Variants in NFAT5 observed in about 807,000 individuals in gnomAD.
NFAT5 encodes nuclear factor of activated T-cells 5.
A neutral mutation model predicts 166.5 loss-of-function variants in NFAT5; 31 were observed. That is an observed-to-expected ratio of 0.19 (90% CI 0.14 to 0.25). NFAT5 has a LOEUF of 0.25. Ranked by LOEUF, NFAT5 falls within the 10% of genes least tolerant of loss-of-function variation. NFAT5 has a pLI of 1.00. For missense variants in NFAT5, 1,449 were observed against 1,821.8 expected (o/e 0.80, Z 3.72); for synonymous variants, 612 against 639.7 (o/e 0.96, Z 0.65).
rs555002455 is a variant in NFAT5, at chr16:69,655,056, C to G, written c.1006-553C>G. Among the ~76,000 whole-genome samples the G allele has an allele frequency of 8.5e-5, 13 of 152,270 alleles. No individual in the cohort carries two copies. In the East Asian group the frequency reaches 2.5e-3, roughly 29 times the overall value. ...AATGATCCATAGATCCCCGTTTGAA[C>G]TAGCAGTCTCTCAGACCATAATGTT... is the stretch of plus-strand genomic sequence containing the variant. On this transcript the variant is annotated intron_variant, in intron 5 of 14. Transcript: ENST00000349945.
At chr16:69,644,960 T>G (rs1015338579) in intron 3 of NFAT5, 6 of 320,392 alleles carry the variant, frequency 1.9e-5, no homozygotes, top group Non-Finnish European at 3.7e-5. Context: ...TGCTGCATAC[T>G]TGTATTTCTC....
intron 2 of NFAT5, 149 bp from the exon 3 acceptor site, chr16:69,626,254 T>G: frequency 1.6e-6 from 1 of 615,474 alleles, no homozygotes; most frequent in Admixed American, 4.2e-5. Flanking sequence ...GCTCAGCTGC[T>G]AATAGCTCTT....
intron 2 of NFAT5, among the ~76,000 whole-genome samples, chr16:69,594,518 G>A (rs1272447368): frequency 2.0e-5 from 3 of 151,992 alleles, no homozygotes; most frequent in Non-Finnish European, 4.4e-5. Flanking sequence ...TTCCCTACTT[G>A]ATCTACAATG....
At chr16:69,691,603 TCCTGTA>T in intron 12 of NFAT5, 140 bp from the exon 13 acceptor site, 3 of 629,658 alleles carry the variant, frequency 4.8e-6, no homozygotes, top group Non-Finnish European at 8.2e-6. Flanking sequence ...AGAATTGTAG[TCCTGTA>T]CCTGTTTTCT....
intron 3 of NFAT5, among the ~76,000 whole-genome samples, chr16:69,630,074 T>C (rs2034644294): frequency 6.6e-6 from 1 of 151,976 alleles, no homozygotes; most frequent in Non-Finnish European, 1.5e-5. Context: ...GTAGCTGGGA[T>C]TGCAGGTGCA....
At chr16:69,658,092 A>T (rs9788803) in intron 6 of NFAT5, among the ~76,000 whole-genome samples, 55,464 of 150,904 alleles carry the variant, frequency 0.37, 11,168 homozygotes, top group African/African-American at 0.53. Flanking sequence ...CAAAAAAAAA[A>T]AAATAAATAA....
chr16:69,585,812 A>T (rs2032022020), intron 2 of NFAT5, among the ~76,000 whole-genome samples: 1 of 152,194 alleles, frequency 6.6e-6, no homozygotes, highest in South Asian at 2.1e-4. Context: ...AGAAAGTAGA[A>T]TATTGTCTAG....
At chr16:69,639,718 A>G (rs2035119815) in intron 3 of NFAT5, among the ~76,000 whole-genome samples, 1 of 151,978 alleles carries the variant, frequency 6.6e-6, no homozygotes, top group African/African-American at 2.4e-5. Context: ...TGCTGCTAAA[A>G]TATAGGTTTT....
intron 2 of NFAT5, among the ~76,000 whole-genome samples, chr16:69,573,106 T>C (rs1464155520): frequency 6.6e-6 from 1 of 152,180 alleles, no homozygotes; most frequent in African/African-American, 2.4e-5. Context: ...TTCCCAAAAG[T>C]GCTAGGATTA....
intron 14 of NFAT5, among the ~76,000 whole-genome samples, chr16:69,696,047 A>G (rs958502065): frequency 2.0e-5 from 3 of 152,330 alleles, no homozygotes; most frequent in East Asian, 3.9e-4. Flanking sequence ...TCTGATCCCA[A>G]ACATTTTAGA....
At chr16:69,661,265 C>G (rs1441996813) in intron 7 of NFAT5, among the ~76,000 whole-genome samples, 4 of 150,866 alleles carry the variant, frequency 2.7e-5, no homozygotes, top group Admixed American at 6.6e-5. Context: ...TCTCATTTTA[C>G]TCCAGCTGTT....
chr16:69,657,592 C>T (rs889417356), intron 6 of NFAT5, among the ~76,000 whole-genome samples: 6 of 147,704 alleles, frequency 4.1e-5, no homozygotes, highest in African/African-American at 1.5e-4. Context: ...AACCCTGTCT[C>T]TACTAAAAAT....
chr16:69,605,013 C>T (rs2033330021), intron 2 of NFAT5, among the ~76,000 whole-genome samples: 1 of 152,118 alleles, frequency 6.6e-6, no homozygotes, highest in African/African-American at 2.4e-5. Flanking sequence ...TGTTCACATC[C>T]TATAATAGCA....
In NFAT5 at chr16:69,637,417, G is replaced by A. The variant is rs947747906; in HGVS notation, c.254-9611G>A. On this transcript the variant is annotated intron_variant, in intron 3 of 14. Transcript: ENST00000349945. ...ACCCCACTCCTGGTACCAGTTTACT[G>A]TGTTAGTCCATTTTCATGCTGCTGA... is the stretch of plus-strand genomic sequence containing the variant. 2.6e-5 allele frequency among the ~76,000 whole-genome samples: 4 copies of A among 152,134 alleles called. No individual in the cohort carries two copies. The East Asian group carries it at 7.7e-4, about 29-fold the overall frequency.
intron 5 of NFAT5, among the ~76,000 whole-genome samples, chr16:69,655,080 T>A (rs2035824601): frequency 6.6e-6 from 1 of 152,190 alleles, no homozygotes; most frequent in South Asian, 2.1e-4. Context: ...GACCATAATG[T>A]TTTGTCTCAG....
chr16:69,566,757 G>C lies in NFAT5; in HGVS notation c.73+383G>C, dbSNP rs1166893251. ...CCCCGCGCTGGGGCCACCGCGATCG[G>C]GGCGCCGCGTCTTCTCTTACCGGGA... On this transcript the variant is annotated intron_variant, in intron 1 of 14. Coordinates refer to ENST00000349945, the MANE Select transcript of NFAT5 (RefSeq NM_138713.4). This position sits in a 1 kb window ranked among gnomAD's most constrained non-coding sequence, Gnocchi z 5.7. 1.3e-5 allele frequency among the ~76,000 whole-genome samples: 2 copies of C among 152,166 alleles called. No homozygotes were observed. Among genetic ancestry groups the C allele is most frequent in the African/African-American group, 4.8e-5 (2 of 41,456 alleles).
intron 3 of NFAT5, among the ~76,000 whole-genome samples, chr16:69,627,370 A>G (rs1452349461): frequency 7.3e-5 from 5 of 68,178 alleles, no homozygotes; most frequent in Non-Finnish European, 1.6e-4. Flanking sequence ...ATATATATAT[A>G]TATATATATA....
At chr16:69,611,488 G>A (rs2033700544) in intron 2 of NFAT5, among the ~76,000 whole-genome samples, 1 of 152,182 alleles carries the variant, frequency 6.6e-6, no homozygotes. Flanking sequence ...CTGTTTGTCA[G>A]CTATAACAAA....
At chr16:69,576,573 C>T (rs1248274028) in intron 2 of NFAT5, among the ~76,000 whole-genome samples, 1 of 151,788 alleles carries the variant, frequency 6.6e-6, no homozygotes, top group Non-Finnish European at 1.5e-5. Flanking sequence ...GATGGCTGAT[C>T]AAAACACCTA....
Sources: allele counts gnomAD v4.1 joint callset (sites outside exome capture counted in the v4.1 genomes callset), GRCh38; gene constraint gnomAD v4.1.1; non-coding constraint Gnocchi (gnomAD v3.1); transcripts MANE v1.5; gene names NCBI Gene and HGNC (gene_info 2026-07-23, HGNC 2026-07-21).